The following PPP4R3B variants were observed in gnomAD, a reference collection of about 807,000 sequenced individuals.
The protein encoded by PPP4R3B is protein phosphatase 4 regulatory subunit 3B.
In PPP4R3B, 52 loss-of-function variants were observed where a neutral mutation model predicts 95.4. The observed-to-expected ratio is 0.54, with a 90% confidence interval of 0.44 to 0.69. The LOEUF is 0.69. PPP4R3B is among the 30% of genes least tolerant of loss of function. PPP4R3B has a pLI of 0.00. For synonymous variants in PPP4R3B, 407 were observed against 343.9 expected (o/e 1.18, Z -2.03); for missense variants, 1,003 against 1,005.9 (o/e 1.00, Z 0.04).
intron 8 of PPP4R3B, among the ~76,000 whole-genome samples, chr2:55,580,492 A>G (rs1253050441): frequency 6.6e-6 from 1 of 152,214 alleles, no homozygotes; most frequent in African/African-American, 2.4e-5. Flanking sequence ...TAGAAAGAAA[A>G]AGAACCAATT....
intron 4 of PPP4R3B, among the ~76,000 whole-genome samples, chr2:55,589,579 G>A (rs1476548379): frequency 1.3e-5 from 2 of 152,132 alleles, no homozygotes; most frequent in Non-Finnish European, 2.9e-5. Flanking sequence ...AGAAAGACAA[G>A]TGCTAATTTC....
At chr2:55,601,854 T>G (rs1046320508) in intron 3 of PPP4R3B, among the ~76,000 whole-genome samples, 1 of 152,210 alleles carries the variant, frequency 6.6e-6, no homozygotes, top group Non-Finnish European at 1.5e-5. Flanking sequence ...ATCAAATGTA[T>G]TGGGAGACTG....
chr2:55,604,110 C>G, intron 2 of PPP4R3B, 34 bp from the exon 3 acceptor site: 1 of 1,513,176 alleles, frequency 6.6e-7, no homozygotes, highest in Non-Finnish European at 9.0e-7. Flanking sequence ...TATCATCACA[C>G]TAGAAAAGAG....
intron 2 of PPP4R3B, among the ~76,000 whole-genome samples, chr2:55,608,884 C>T (rs1454380132): frequency 1.3e-5 from 2 of 152,116 alleles, no homozygotes; most frequent in Non-Finnish European, 2.9e-5. Flanking sequence ...ACTCAGAAGG[C>T]TGAGGTGGGA....
intron 12 of PPP4R3B, among the ~76,000 whole-genome samples, chr2:55,572,988 T>C (rs550218676): frequency 6.6e-6 from 1 of 152,162 alleles, no homozygotes; most frequent in South Asian, 2.1e-4. Context: ...CACAAAAAAA[T>C]CCTCTATACA....
At chr2:55,571,864 C>T (rs1174604712) in intron 12 of PPP4R3B, among the ~76,000 whole-genome samples, 2 of 152,200 alleles carry the variant, frequency 1.3e-5, no homozygotes, top group Non-Finnish European at 2.9e-5. Flanking sequence ...GGTGATCCAC[C>T]CGCCTTGGCC....
At chr2:55,614,169 A>G (rs1291186741) in intron 2 of PPP4R3B, 1 of 152,242 alleles carries the variant, frequency 6.6e-6, no homozygotes, top group African/African-American at 2.4e-5. Context: ...CTTTGTAATA[A>G]TAAGCTGCAC....
chr2:55,596,036 C>T (rs78524118), intron 4 of PPP4R3B, among the ~76,000 whole-genome samples: 1 of 152,236 alleles, frequency 6.6e-6, no homozygotes, highest in African/African-American at 2.4e-5. Flanking sequence ...TAGTATAAAA[C>T]TCCTATTTCA....
chr2:55,602,605 C>T (rs879787311), intron 3 of PPP4R3B, among the ~76,000 whole-genome samples: 5 of 152,132 alleles, frequency 3.3e-5, no homozygotes, highest in Non-Finnish European at 5.9e-5. Flanking sequence ...CCAGTGAAAA[C>T]CCTGGACACG....
chr2:55,576,848 G>C (rs904261803), intron 11 of PPP4R3B, among the ~76,000 whole-genome samples: 3 of 152,182 alleles, frequency 2.0e-5, no homozygotes, highest in Admixed American at 6.5e-5. Flanking sequence ...TCCCCTTTGA[G>C]ATTTGATGAG....
chr2:55,564,245 C>T, intron 15 of PPP4R3B, 68 bp downstream of exon 15: 6 of 1,377,792 alleles, frequency 4.4e-6, no homozygotes, highest in Non-Finnish European at 5.8e-6. Context: ...CAAACCTTCA[C>T]AAAGCAACAA....
Position 55,603,985 on chromosome 2 carries a change from A to AT in PPP4R3B, c.289dup (p.Ile97AsnfsTer7). 6.3e-7 allele frequency: 1 copy of AT among 1,598,056 alleles called. No individual in the cohort carries two copies. Among genetic ancestry groups the AT allele is most frequent in the Non-Finnish European group, 8.5e-7 (1 of 1,175,052 alleles). On this transcript the variant is annotated frameshift_variant, in exon 3 of 17. Coordinates refer to ENST00000616407, the MANE Select transcript of PPP4R3B (RefSeq NM_001122964.3). LOFTEE classifies it high-confidence loss of function. The stretch of plus-strand genomic sequence containing the variant: ...TTATAAAAAGAAACTTACCTGACAA[A>AT]TTTTTTCCCAGATCTCATCACAGCC...
chr2:55,553,616 C>A (rs998370723), intron 16 of PPP4R3B, among the ~76,000 whole-genome samples: 2 of 152,080 alleles, frequency 1.3e-5, no homozygotes, highest in Non-Finnish European at 2.9e-5. Flanking sequence ...CACCACCCCC[C>A]ACACCACCCA....
intron 2 of PPP4R3B, among the ~76,000 whole-genome samples, chr2:55,612,628 C>CAT (rs1553485813): frequency 1.3e-5 from 2 of 152,018 alleles, no homozygotes; most frequent in Non-Finnish European, 2.9e-5. Context: ...AACGAGACCC[C>CAT]ATCTTTACAA....
At position 55,586,708 on chromosome 2, in the gene PPP4R3B, T is replaced by C. The variant is rs1318560481; in HGVS notation, c.1026A>G (p.Ala342=). The C allele has an allele frequency of 6.2e-7, 1 of 1,600,366 alleles. No homozygotes were observed. Among genetic ancestry groups the C allele is most frequent in the East Asian group, 2.2e-5 (1 of 44,586 alleles). ...ELVNFFKEFC[A]FSQTLQPQNR... is the part of the protein sequence containing the mutation. ...TTTGAGGTTGTAATGTCTGAGAAAA[T>C]GCACAAAACTCCTTGAAAAAATTAA... The change falls in exon 6 of 17, where the codon GCA becomes GCG. Residue 342 remains alanine (A), a synonymous_variant. Transcript: ENST00000616407.
chr2:55,556,997 C>T (rs767814751), intron 16 of PPP4R3B, among the ~76,000 whole-genome samples: 9 of 152,046 alleles, frequency 5.9e-5, no homozygotes, highest in Admixed American at 1.3e-4. Context: ...CAGGAGGTGG[C>T]GGAGGCAGTG....
intron 4 of PPP4R3B, among the ~76,000 whole-genome samples, chr2:55,593,203 G>A (rs1197891887): frequency 1.3e-5 from 2 of 152,082 alleles, no homozygotes; most frequent in Admixed American, 1.3e-4. Context: ...AAAGAATGTT[G>A]CTCAATTCTG....
chr2:55,564,023 G>A (rs1426711443), intron 15 of PPP4R3B, among the ~76,000 whole-genome samples: 1 of 152,120 alleles, frequency 6.6e-6, no homozygotes, highest in Non-Finnish European at 1.5e-5. Flanking sequence ...TTTCAGTATA[G>A]AAATAAAGCC....
At position 55,607,744 on chromosome 2, in the gene PPP4R3B, T is replaced by A. The variant is rs541983294; in HGVS notation, c.199-3668A>T. On this transcript the variant is annotated intron_variant, in intron 2 of 16. Coordinates refer to ENST00000616407, the MANE Select transcript of PPP4R3B (RefSeq NM_001122964.3). ...TCAGCCCCTCTCCCCTTCTGGAGGA[T>A]GGCGGATGGGGTTCAAAGCCGCAAT... 2.4e-4 allele frequency among the ~76,000 whole-genome samples: 36 copies of A among 152,300 alleles called. No individual in the cohort carries two copies. In the South Asian group the frequency reaches 7.2e-3, roughly 31 times the overall value.
Sources: allele counts gnomAD v4.1 joint callset (sites outside exome capture counted in the v4.1 genomes callset), GRCh38; gene constraint gnomAD v4.1.1; transcripts MANE v1.5; gene names NCBI Gene and HGNC (gene_info 2026-07-23, HGNC 2026-07-21).